IGDCC4: variants seen among roughly 807,000 people sequenced by gnomAD.
IGDCC4 encodes the protein likely ortholog of mouse neighbor of Punc E11.
A neutral mutation model predicts 116.6 loss-of-function variants in IGDCC4; 72 were observed. The observed-to-expected ratio is 0.62, with a 90% CI of 0.51 to 0.75. IGDCC4 has a LOEUF of 0.75. Among genes scored for constraint, IGDCC4 ranks in the 30% least tolerant of loss-of-function variants. The probability of loss-of-function intolerance (pLI) is 0.00; values close to 1 mark genes in which losing one functional copy is unlikely to be tolerated. For synonymous variants in IGDCC4, 709 were observed against 719.9 expected, an observed-to-expected ratio of 0.98 and a Z score of 0.24; for missense variants, 1,501 against 1,662.4, an observed-to-expected ratio of 0.90 and a Z score of 1.69.
chr15:65,419,796 G>T (rs1177789861), intron 1 of IGDCC4, among the ~76,000 whole-genome samples: 1 of 152,218 alleles, frequency 6.6e-6, no homozygotes, highest in Non-Finnish European at 1.5e-5. Flanking sequence ...CTTTGTGCGT[G>T]TGATAAGAAC....
intron 1 of IGDCC4, among the ~76,000 whole-genome samples, chr15:65,414,296 G>A (rs2063123899): frequency 6.6e-6 from 1 of 152,166 alleles, no homozygotes; most frequent in Non-Finnish European, 1.5e-5. Context: ...GTTTCTGCTG[G>A]ACACCTCTGG....
At chr15:65,392,083 G>T in intron 11 of IGDCC4, 51 bp downstream of exon 11, 1 of 1,503,172 alleles carries the variant, frequency 6.7e-7, no homozygotes, top group Non-Finnish European at 9.0e-7. Flanking sequence ...AACTTGCCCA[G>T]TCCCCACTGA....
intron 1 of IGDCC4, among the ~76,000 whole-genome samples, chr15:65,414,987 C>T (rs1472638284): frequency 2.6e-5 from 4 of 152,272 alleles, no homozygotes; most frequent in East Asian, 1.9e-4. Context: ...CTACCATGCC[C>T]GGCGGGGAGC....
chr15:65,400,963 C>T lies in IGDCC4; in HGVS notation c.701-17G>A, dbSNP rs1309555960. 1 of 1,613,878 alleles carries T rather than the reference C, an allele frequency of 6.2e-7. No individual in the cohort carries two copies. The highest frequency in any genetic ancestry group is 1.3e-5 in the African/African-American group (1 of 74,926). On this transcript the variant is annotated splice_polypyrimidine_tract_variant and intron_variant, in intron 4 of 19. Coordinates refer to ENST00000352385, the MANE Select transcript of IGDCC4 (RefSeq NM_020962.3). ...CCAGGGACCCTGGCGAGAAGACAGA[C>T]CAGCAGGCAGCCTTACCATTAGGCA...
At chr15:65,414,228 G>A (rs1393676956) in intron 1 of IGDCC4, among the ~76,000 whole-genome samples, 1 of 152,232 alleles carries the variant, frequency 6.6e-6, no homozygotes, top group Non-Finnish European at 1.5e-5. Flanking sequence ...GCAGTGTGAA[G>A]GGCGGACGGA....
chr15:65,417,323 A>C (rs1232596177), intron 1 of IGDCC4, among the ~76,000 whole-genome samples: 1 of 152,092 alleles, frequency 6.6e-6, no homozygotes, highest in Admixed American at 6.6e-5. Context: ...CTCTCCCTTC[A>C]TCTGCAATCC....
At position 65,386,069 on chromosome 15, in the gene IGDCC4, A is replaced by G; in HGVS notation, c.2952-10T>C. On this transcript the variant is annotated splice_polypyrimidine_tract_variant and intron_variant, in intron 17 of 19. Transcript: ENST00000352385. ...GCCTGGGAGGGATTCCCTGGAAGGG[A>G]AGACGGAAAACAAGGCATAGCGGTC... The G allele has an allele frequency of 6.8e-7, 1 of 1,475,178 alleles. No individual in the cohort carries two copies. Among genetic ancestry groups the G allele is most frequent in the East Asian group, 2.5e-5 (1 of 40,684 alleles). The allele number at this position is 1,475,178 out of a possible 1,614,324, so 91.4% of individuals were successfully genotyped here.
At position 65,411,140 on chromosome 15, in the gene IGDCC4, GTGC is replaced by G. The variant is rs548190207; in HGVS notation, c.298_300del (p.Ala100del). On this transcript the variant is annotated inframe_deletion, in exon 2 of 20. Coordinates refer to ENST00000352385, the MANE Select transcript of IGDCC4 (RefSeq NM_020962.3). ...GGGACTGACTCGTCACTGCCATTGG[GTGC>G]TAGTGGCTGGGACAGCCACAGGGAA... 6.2e-7 allele frequency: 1 copy of G among 1,614,224 alleles called. No individual in the cohort carries two copies. Among genetic ancestry groups the G allele is most frequent in the South Asian group, 1.1e-5 (1 of 91,088 alleles).
Position 65,392,387 on chromosome 15 carries a change from C to T in IGDCC4, c.1886-17G>A. On this transcript the variant is annotated splice_polypyrimidine_tract_variant and intron_variant, in intron 10 of 19. Coordinates refer to ENST00000352385, the MANE Select transcript of IGDCC4 (RefSeq NM_020962.3). The stretch of plus-strand genomic sequence containing the variant: ...CAAAAGGGACTGGGGGGCAGAGGAG[C>T]AGGATGGGAAAATTAAGGAACAGAA... 2 of 1,484,632 alleles carry T rather than the reference C, an allele frequency of 1.3e-6. No homozygotes were observed. Among genetic ancestry groups the T allele is most frequent in the South Asian group, 2.8e-5 (2 of 70,522 alleles). The allele number at this position is 1,484,632 out of a possible 1,614,324, so 92.0% of individuals were successfully genotyped here.
chr15:65,396,770 TC>T, intron 6 of IGDCC4, 63 bp downstream of exon 6: 2 of 1,523,016 alleles, frequency 1.3e-6, no homozygotes, highest in Non-Finnish European at 1.8e-6. Context: ...CCCGTCCACC[TC>T]CCCCTGCTCT....
At chr15:65,412,859 T>C (rs972585153) in intron 1 of IGDCC4, among the ~76,000 whole-genome samples, 1 of 152,008 alleles carries the variant, frequency 6.6e-6, no homozygotes, top group Non-Finnish European at 1.5e-5. Context: ...ATTGCACCAC[T>C]GCACTCTAGC....
Position 65,393,361 on chromosome 15 carries a change from C to T in IGDCC4, c.1885G>A (p.Val629Ile), listed in dbSNP as rs771448282. The T allele has an allele frequency of 3.1e-6, 5 of 1,609,410 alleles. No individual in the cohort carries two copies. The highest frequency in any genetic ancestry group is 4.2e-6 in the Non-Finnish European group (5 of 1,177,458). Reference protein sequence around the residue: ...RTPSMHNQSHVPFAPAELKVQ... With the variant: ...RTPSMHNQSHIPFAPAELKVQ... The stretch of plus-strand genomic sequence containing the variant: ...TCCTGTCTCTCCTCTAACCCCGTAC[C>T]ATGGCTCTGGTTGTGCATACTGGGC... The change falls in exon 10 of 20, where the codon GTC (valine) becomes ATC (isoleucine). Residue 629 changes from valine (V) to isoleucine (I), a missense_variant and splice_region_variant. Physicochemically the swap from Val to Ile is conservative, Grantham distance 29. Transcript: ENST00000352385. This position sits in a 1 kb window ranked among gnomAD's most constrained non-coding sequence, Gnocchi z 4.6.
intron 16 of IGDCC4, among the ~76,000 whole-genome samples, chr15:65,388,150 A>G (rs1388503087): frequency 6.6e-6 from 1 of 151,946 alleles, no homozygotes; most frequent in African/African-American, 2.4e-5. Context: ...AGGCTGAGGC[A>G]GCAGAATCGC....
Position 65,392,009 on chromosome 15 carries a change from T to A in IGDCC4, c.2123-28A>T, listed in dbSNP as rs752469902. 3.0e-5 allele frequency: 47 copies of A among 1,584,068 alleles called. 1 individual carries two copies. In the South Asian group the frequency reaches 5.4e-4, roughly 18 times the overall value. The stretch of plus-strand genomic sequence containing the variant: ...GGGGAAGGTTACAGGGCTTAATGGC[T>A]AGGGGGACATCTGGGGTCACTCTCC... On this transcript the variant is annotated intron_variant, in intron 11 of 19. Transcript: ENST00000352385.
At chr15:65,410,533 C>A in intron 2 of IGDCC4, 1 of 594,582 alleles carries the variant, frequency 1.7e-6, no homozygotes, top group Admixed American at 2.9e-5. Flanking sequence ...CCCCCCTGCC[C>A]AACATCATCA....
Position 65,388,472 on chromosome 15 carries a change from A to T in IGDCC4, c.2822T>A (p.Ile941Asn), listed in dbSNP as rs1357986178. The change falls in exon 16 of 20, where the codon ATC becomes AAC. Residue 941 changes from isoleucine (I) to asparagine (N), a missense_variant. Physicochemically the swap from Ile to Asn is moderately radical, Grantham distance 149. Transcript: ENST00000352385. ...PGPFSRLQDV[I>N]TLQEKLSDSL... ...ACCTGACAGCTTCTCCTGGAGCGTG[A>T]TCACATCCTGCAGGCGGGAGAAAGG... is the stretch of plus-strand genomic sequence containing the variant. 6.2e-7 allele frequency: 1 copy of T among 1,614,016 alleles called. No homozygotes were observed. Among genetic ancestry groups the T allele is most frequent in the Non-Finnish European group, 8.5e-7 (1 of 1,180,032 alleles).
At chr15:65,396,740 G>A in intron 6 of IGDCC4, 94 bp downstream of exon 6, 4 of 1,460,192 alleles carry the variant, frequency 2.7e-6, no homozygotes, top group Non-Finnish European at 3.7e-6. Context: ...GAGAGCGCCT[G>A]AGTGCCCCCA....
At chr15:65,395,062 C>T (rs766263493) in intron 8 of IGDCC4, 32 bp downstream of exon 8, 1 of 1,577,738 alleles carries the variant, frequency 6.3e-7, no homozygotes, top group Admixed American at 1.7e-5. Context: ...CTCTTTACCC[C>T]AAGCTGCCCA....
chr15:65,396,357 A>C, intron 6 of IGDCC4, 194 bp from the exon 7 acceptor site: 2 of 697,182 alleles, frequency 2.9e-6, no homozygotes, highest in African/African-American at 1.8e-5. Flanking sequence ...CATTTACCCC[A>C]GCCCCACAAC....
Sources: allele counts gnomAD v4.1 joint callset (sites outside exome capture counted in the v4.1 genomes callset), GRCh38; gene constraint gnomAD v4.1.1; non-coding constraint Gnocchi (gnomAD v3.1); transcripts MANE v1.5; gene names NCBI Gene and HGNC (gene_info 2026-07-23, HGNC 2026-07-21).